DRC11: variants seen among roughly 807,000 people sequenced by gnomAD.
The protein encoded by DRC11 is IQ and AAA domain-containing protein 1.
the DRC11 span, among the ~76,000 whole-genome samples, chr2:236,434,860 T>C: frequency 1.1e-3 from 168 of 152,300 alleles, 1 homozygote; most frequent in East Asian, 0.028. The surrounding 1 kb of genome is among the most constrained non-coding windows in gnomAD (Gnocchi z 5.5). Flanking sequence ...ACACAACTTG[T>C]GCCTGGCAAT....
chr2:236,401,947 A>G, the DRC11 span, among the ~76,000 whole-genome samples: 2 of 152,128 alleles, frequency 1.3e-5, no homozygotes, highest in African/African-American at 4.8e-5. This position sits in a 1 kb window ranked among gnomAD's most constrained non-coding sequence, Gnocchi z 4.6. Context: ...TTAAAGAGGC[A>G]CTCTCTATTG....
At chr2:236,503,647 TGA>T in the DRC11 span, 4 of 1,550,910 alleles carry the variant, frequency 2.6e-6, no homozygotes, top group South Asian at 1.2e-5. The surrounding 1 kb of genome is among the most constrained non-coding windows in gnomAD (Gnocchi z 4.9). Flanking sequence ...TCCTCAGCGC[TGA>T]GAGACGGCGT....
At chr2:236,311,125 C>T in the DRC11 span, among the ~76,000 whole-genome samples, 1 of 152,200 alleles carries the variant, frequency 6.6e-6, no homozygotes, top group African/African-American at 2.4e-5. The surrounding 1 kb of genome is among the most constrained non-coding windows in gnomAD (Gnocchi z 6.9). Flanking sequence ...TGCACAGCCC[C>T]CAGGTGTGTG....
At chr2:236,468,184 C>A in the DRC11 span, among the ~76,000 whole-genome samples, 8 of 152,126 alleles carry the variant, frequency 5.3e-5, no homozygotes, top group South Asian at 1.7e-3. Context: ...CTCTGCCTCC[C>A]GGGCCCAAGT....
chr2:236,496,879 C>G, the DRC11 span, among the ~76,000 whole-genome samples: 2 of 152,164 alleles, frequency 1.3e-5, no homozygotes, highest in Non-Finnish European at 2.9e-5. This position sits in a 1 kb window ranked among gnomAD's most constrained non-coding sequence, Gnocchi z 6.3. Flanking sequence ...TGGCCCACTG[C>G]ATTCCAACAG....
chr2:236,497,547 A>T, the DRC11 span: 1 of 1,265,546 alleles, frequency 7.9e-7, no homozygotes, highest in Non-Finnish European at 1.1e-6. The surrounding 1 kb of genome is among the most constrained non-coding windows in gnomAD (Gnocchi z 5.1). Context: ...GTAAAACATA[A>T]ACATCGGGCC....
At chr2:236,469,372 A>C in the DRC11 span, among the ~76,000 whole-genome samples, 1 of 152,032 alleles carries the variant, frequency 6.6e-6, no homozygotes, top group African/African-American at 2.4e-5. The surrounding 1 kb of genome is among the most constrained non-coding windows in gnomAD (Gnocchi z 5.8). Flanking sequence ...TGCCCAGCTA[A>C]TTTTTGTATT....
chr2:236,343,141 G>A, the DRC11 span, among the ~76,000 whole-genome samples: 2 of 152,086 alleles, frequency 1.3e-5, no homozygotes, highest in Non-Finnish European at 2.9e-5. The surrounding 1 kb of genome is among the most constrained non-coding windows in gnomAD (Gnocchi z 6.6). Flanking sequence ...TCCTCAGCGC[G>A]CCTCCTTCCC....
At chr2:236,498,367 AG>A in the DRC11 span, among the ~76,000 whole-genome samples, 1 of 151,772 alleles carries the variant, frequency 6.6e-6, no homozygotes, top group Admixed American at 6.6e-5. Flanking sequence ...CAGGAGGCTG[AG>A]GCAGGGGAAT....
the DRC11 span, among the ~76,000 whole-genome samples, chr2:236,502,822 G>C: frequency 6.6e-6 from 1 of 151,844 alleles, no homozygotes; most frequent in Non-Finnish European, 1.5e-5. Context: ...GGGTGTGGTG[G>C]CATGCGCCTG....
At chr2:236,373,377 AG>A in the DRC11 span, among the ~76,000 whole-genome samples, 1 of 151,296 alleles carries the variant, frequency 6.6e-6, no homozygotes, top group Non-Finnish European at 1.5e-5. Flanking sequence ...CAACCTCCTG[AG>A]TAGCTGGGAT....
chr2:236,407,731 A>G, the DRC11 span: 1 of 268,098 alleles, frequency 3.7e-6, no homozygotes, highest in Non-Finnish European at 7.3e-6. Flanking sequence ...CTCTCTCTTT[A>G]AAGAACCTCC....
chr2:236,504,201 G>C, the DRC11 span, among the ~76,000 whole-genome samples: 29 of 151,086 alleles, frequency 1.9e-4, no homozygotes, highest in East Asian at 3.2e-3. This position sits in a 1 kb window ranked among gnomAD's most constrained non-coding sequence, Gnocchi z 5.0. Context: ...CACGGCGGTG[G>C]GGGGGGGCGT....
the DRC11 span, among the ~76,000 whole-genome samples, chr2:236,491,507 G>A: frequency 6.6e-6 from 1 of 151,838 alleles, no homozygotes; most frequent in Non-Finnish European, 1.5e-5. Context: ...GAGGAACAGT[G>A]AGCAGGACAA....
chr2:236,313,586 A>G, the DRC11 span, among the ~76,000 whole-genome samples: 1 of 152,226 alleles, frequency 6.6e-6, no homozygotes, highest in Non-Finnish European at 1.5e-5. This position sits in a 1 kb window ranked among gnomAD's most constrained non-coding sequence, Gnocchi z 4.5. Context: ...TGAAAAACAT[A>G]TTCACACAAA....
At chr2:236,349,920 C>T in the DRC11 span, among the ~76,000 whole-genome samples, 2 of 152,224 alleles carry the variant, frequency 1.3e-5, no homozygotes, top group African/African-American at 2.4e-5. This position sits in a 1 kb window ranked among gnomAD's most constrained non-coding sequence, Gnocchi z 5.5. Flanking sequence ...CTTGTCTTAG[C>T]TGACTGCACT....
the DRC11 span, among the ~76,000 whole-genome samples, chr2:236,388,517 T>A: frequency 6.6e-6 from 1 of 151,984 alleles, no homozygotes; most frequent in African/African-American, 2.4e-5. Context: ...CTCCATCAGC[T>A]CCTTTAAGCA....
the DRC11 span, among the ~76,000 whole-genome samples, chr2:236,467,916 TGAACCTCTG>T: frequency 6.6e-6 from 1 of 152,144 alleles, no homozygotes; most frequent in African/African-American, 2.4e-5. Flanking sequence ...GAAATACCTA[TGAACCTCTG>T]GAGGTGGAAG....
the DRC11 span, among the ~76,000 whole-genome samples, chr2:236,460,348 G>A: frequency 3.3e-5 from 5 of 152,164 alleles, no homozygotes; most frequent in African/African-American, 2.4e-5. This position sits in a 1 kb window ranked among gnomAD's most constrained non-coding sequence, Gnocchi z 4.0. Flanking sequence ...CTGGGACAAC[G>A]GAGAGCGTGC....
Sources: allele counts gnomAD v4.1 joint callset (sites outside exome capture counted in the v4.1 genomes callset), GRCh38; gene constraint gnomAD v4.1.1; non-coding constraint Gnocchi (gnomAD v3.1); transcripts MANE v1.5; gene names NCBI Gene and HGNC (gene_info 2026-07-23, HGNC 2026-07-21).